DCC: variants seen among roughly 807,000 people sequenced by gnomAD.
DCC encodes the protein DCC netrin 1 receptor.
DCC carries 58 observed loss-of-function variants against 172.5 expected under a neutral mutation model. That is an observed-to-expected ratio of 0.34 (90% CI 0.27 to 0.42). DCC has a LOEUF of 0.42. Among genes scored for constraint, DCC ranks in the 10% least tolerant of loss-of-function variants. DCC has a pLI of 1.00. For missense variants in DCC, 1,740 were observed against 1,791.0 expected, an observed-to-expected ratio of 0.97 and a Z score of 0.51; for synonymous variants, 709 against 644.5, an observed-to-expected ratio of 1.10 and a Z score of -1.52.
chr18:53,440,902 G>A lies in DCC; in HGVS notation c.3229+5693G>A, dbSNP rs528377163. The stretch of plus-strand genomic sequence containing the variant: ...AACTCCGGATCTCAATTTTCATCTG[G>A]ACCTAGAAACTGTTAAGCTAGAGCA... On this transcript the variant is annotated intron_variant, in intron 22 of 28. Transcript: ENST00000442544. 7.2e-5 allele frequency among the ~76,000 whole-genome samples: 11 copies of A among 152,302 alleles called. No homozygotes were observed. The South Asian group carries it at 1.9e-3, about 26-fold the overall frequency.
At chr18:52,355,803 A>G (rs1984337264) in intron 1 of DCC, among the ~76,000 whole-genome samples, 1 of 152,136 alleles carries the variant, frequency 6.6e-6, no homozygotes, top group East Asian at 1.9e-4. Flanking sequence ...AATGGGTGAG[A>G]GGTGCAGTTA....
intron 14 of DCC, among the ~76,000 whole-genome samples, chr18:53,334,439 T>G (rs1018536455): frequency 1.3e-5 from 2 of 152,180 alleles, no homozygotes; most frequent in African/African-American, 4.8e-5. Flanking sequence ...AACCTTAAAT[T>G]TACCATCCTA....
chr18:52,650,240 C>T (rs368232577), intron 1 of DCC, among the ~76,000 whole-genome samples: 24 of 152,092 alleles, frequency 1.6e-4, no homozygotes, highest in East Asian at 9.7e-4. Context: ...CAGCCTCCTA[C>T]GGTACTGGGA....
At chr18:52,664,693 G>C (rs1161738070) in intron 1 of DCC, among the ~76,000 whole-genome samples, 1 of 151,576 alleles carries the variant, frequency 6.6e-6, no homozygotes, top group African/African-American at 2.4e-5. Context: ...GGATGGTCTC[G>C]ATCTCCTGAC....
intron 12 of DCC, among the ~76,000 whole-genome samples, chr18:53,286,677 G>C (rs2056939534): frequency 6.6e-6 from 1 of 152,138 alleles, no homozygotes; most frequent in Non-Finnish European, 1.5e-5. Context: ...CCTTCTTCTG[G>C]AGGTCCAGTG....
At chr18:52,619,312 G>T (rs2034439563) in intron 1 of DCC, among the ~76,000 whole-genome samples, 1 of 152,182 alleles carries the variant, frequency 6.6e-6, no homozygotes, top group Non-Finnish European at 1.5e-5. Flanking sequence ...ATCCCTGCTA[G>T]ATATATTAGA....
intron 2 of DCC, among the ~76,000 whole-genome samples, chr18:52,837,128 T>C (rs1050842508): frequency 2.6e-5 from 4 of 152,184 alleles, no homozygotes; most frequent in African/African-American, 9.6e-5. Flanking sequence ...GTCCCTAGGC[T>C]GCACACAGCA....
chr18:52,822,746 G>A (rs1265194885), intron 2 of DCC, among the ~76,000 whole-genome samples: 1 of 152,150 alleles, frequency 6.6e-6, no homozygotes, highest in Admixed American at 6.5e-5. Context: ...TGAAATTAAG[G>A]TTGTCTTTAG....
intron 1 of DCC, among the ~76,000 whole-genome samples, chr18:52,581,777 T>G (rs2033556793): frequency 1.3e-5 from 2 of 152,164 alleles, no homozygotes; most frequent in African/African-American, 2.4e-5. Flanking sequence ...ACTTTGCAAA[T>G]TATTTATTCA....
At chr18:52,359,055 G>A (rs1804843603) in intron 1 of DCC, among the ~76,000 whole-genome samples, 2 of 152,160 alleles carry the variant, frequency 1.3e-5, no homozygotes, top group Admixed American at 6.5e-5. Context: ...CTTAGATTCA[G>A]TAAGAGAAGG....
chr18:52,618,357 G>T (rs1160896628), intron 1 of DCC, among the ~76,000 whole-genome samples: 1 of 152,068 alleles, frequency 6.6e-6, no homozygotes, highest in African/African-American at 2.4e-5. Flanking sequence ...TAAACTATTT[G>T]TTTCTATATA....
intron 1 of DCC, among the ~76,000 whole-genome samples, chr18:52,612,765 A>G (rs1387102930): frequency 6.6e-6 from 1 of 152,204 alleles, no homozygotes; most frequent in Non-Finnish European, 1.5e-5. Context: ...TTTAGAAAAT[A>G]TATCTCATAA....
intron 1 of DCC, among the ~76,000 whole-genome samples, chr18:52,715,049 C>T (rs80130669): frequency 0.035 from 5,281 of 152,136 alleles, 144 homozygotes; most frequent in East Asian, 0.085. Context: ...GTTAGGAGTA[C>T]TGGATTCTAG....
chr18:52,777,193 G>C (rs949413441), intron 2 of DCC, among the ~76,000 whole-genome samples: 2 of 152,168 alleles, frequency 1.3e-5, no homozygotes, highest in Non-Finnish European at 2.9e-5. Flanking sequence ...ACTAGTGTAT[G>C]AGTTTCCTAT....
chr18:53,220,507 C>A (rs1209070002), intron 12 of DCC, among the ~76,000 whole-genome samples: 1 of 152,148 alleles, frequency 6.6e-6, no homozygotes, highest in East Asian at 1.9e-4. Context: ...TCTGAGCCCT[C>A]TCCTCACAAA....
rs931008695 is a variant in DCC at position 53,410,763 on chromosome 18, A to G, written c.3130+117A>G. The G allele has an allele frequency of 1.5e-5, 11 of 721,198 alleles. No homozygotes were observed. The African/African-American group carries it at 1.6e-4, about 10-fold the overall frequency. 44.7% of individuals were successfully genotyped at this position (721,198 alleles called of 1,614,324 possible). ...TCTATTAGCAACATGGCTGCAGTGG[A>G]CATTCAAAATAAATTAAAATGTAGC... On this transcript the variant is annotated intron_variant, in intron 20 of 28. Coordinates refer to ENST00000442544, the MANE Select transcript of DCC (RefSeq NM_005215.4).
At chr18:52,895,535 T>C (rs2039715942) in intron 2 of DCC, among the ~76,000 whole-genome samples, 1 of 152,104 alleles carries the variant, frequency 6.6e-6, no homozygotes, top group African/African-American at 2.4e-5. Context: ...TTTTTAAAGA[T>C]ATGCTTGTTT....
chr18:52,833,860 C>T (rs867907220), intron 2 of DCC, among the ~76,000 whole-genome samples: 8 of 152,124 alleles, frequency 5.3e-5, no homozygotes, highest in Non-Finnish European at 1.0e-4. Context: ...GATAGTGGCT[C>T]GCTACATAGC....
intron 3 of DCC, among the ~76,000 whole-genome samples, chr18:52,919,773 G>C (rs934133864): frequency 1.3e-5 from 2 of 151,860 alleles, no homozygotes; most frequent in African/African-American, 4.8e-5. Flanking sequence ...CCAGAATAGA[G>C]AGCACAATAC....
Sources: gnomAD v4.1 joint callset for allele counts (sites outside exome capture counted in the v4.1 genomes callset) on GRCh38, gnomAD v4.1.1 for gene constraint, MANE v1.5 for transcripts, NCBI Gene and HGNC (gene_info 2026-07-23, HGNC 2026-07-21) for gene names.